NUFIP2: variants seen among roughly 807,000 people sequenced by gnomAD.
The protein encoded by NUFIP2 is nuclear FMR1 interacting protein 2.
A neutral mutation model predicts 56.9 loss-of-function variants in NUFIP2; 6 were observed. The observed-to-expected ratio is 0.11, with a 90% CI of 0.06 to 0.21. The LOEUF is 0.21. Among genes scored for constraint, NUFIP2 ranks in the 10% least tolerant of loss-of-function variants. NUFIP2 has a pLI of 1.00. For missense variants in NUFIP2, 828 were observed against 826.8 expected, an observed-to-expected ratio of 1.00 and a Z score of -0.02; for synonymous variants, 321 against 298.2, an observed-to-expected ratio of 1.08 and a Z score of -0.79.
intron 2 of NUFIP2, among the ~76,000 whole-genome samples, chr17:29,276,126 T>C (rs1194324520): frequency 6.6e-6 from 1 of 151,774 alleles, no homozygotes; most frequent in Non-Finnish European, 1.5e-5. Flanking sequence ...CACTGTGAAA[T>C]TGAATTTGTG....
intron 1 of NUFIP2, among the ~76,000 whole-genome samples, chr17:29,288,581 T>G (rs1340987489): frequency 6.6e-6 from 1 of 152,378 alleles, no homozygotes; most frequent in East Asian, 1.9e-4. Flanking sequence ...ATATTGTTAA[T>G]ACGTGAAACC....
rs1889443922 is a variant in NUFIP2 at position 29,261,347 on chromosome 17, T to C, written c.*3192A>G. The C allele has an allele frequency of 2.0e-5, 3 of 152,116 alleles. 1 individual carries two copies. Among genetic ancestry groups the C allele is most frequent in the Non-Finnish European group, 2.9e-5 (2 of 67,980 alleles). The allele number at this position is 152,116 out of a possible 1,614,324, so 9.4% of individuals were successfully genotyped here. ...TCATTCTCTGAATACTAATGTCTTA[T>C]ACACATTCATTTACTAATTTTTAAT... is the stretch of plus-strand genomic sequence containing the variant. On this transcript the variant is annotated 3_prime_UTR_variant, in exon 4 of 4. Transcript: ENST00000225388.
rs1221668916 is a variant in NUFIP2, at chr17:29,286,327, G to T, written c.1667C>A (p.Thr556Asn). 2 of 1,614,000 alleles carry T rather than the reference G, an allele frequency of 1.2e-6. No individual in the cohort carries two copies. ...SQGAEIIPSG[T>N]EHPVFPKAYE... ...AGCCTTGGGAAACACAGGATGCTCA[G>T]TTCCTGAGGGAATTATTTCAGCACC... The change falls in exon 2 of 4, where the codon ACT (threonine) becomes AAT (asparagine). Residue 556 changes from threonine (T) to asparagine (N), a missense_variant. By Grantham distance (65) the Thr-to-Asn change is moderately conservative. Around this residue, in one of 3 missense-constraint regions of NUFIP2, gnomAD observed 404 missense variants for 380.3 expected, o/e 1.06. Coordinates refer to ENST00000225388, the MANE Select transcript of NUFIP2 (RefSeq NM_020772.3).
At position 29,259,593 on chromosome 17, in the gene NUFIP2, G is replaced by C. The variant is rs1013221245; in HGVS notation, c.*4946C>G. Reference sequence around the variant, plus strand: ...TCCGTCTCAAAAAAAAAAAGGTGGGGGGGGGGGGGATACTGCAGTATTATA... The same window carrying C: ...TCCGTCTCAAAAAAAAAAAGGTGGGCGGGGGGGGGATACTGCAGTATTATA... On this transcript the variant is annotated 3_prime_UTR_variant, in exon 4 of 4. Coordinates refer to ENST00000225388, the MANE Select transcript of NUFIP2 (RefSeq NM_020772.3). 3.6e-5 allele frequency: 5 copies of C among 138,012 alleles called. No individual in the cohort carries two copies. The highest frequency in any genetic ancestry group is 3.9e-3 in the Middle Eastern group (1 of 258). 8.5% of individuals were successfully genotyped at this position (138,012 alleles called of 1,614,324 possible). A position where few individuals can be genotyped will look rare whatever the true frequency, so the allele number is the denominator to read the frequency against.
chr17:29,268,699 AT>A (rs200635944), intron 2 of NUFIP2, among the ~76,000 whole-genome samples: 6 of 150,076 alleles, frequency 4.0e-5, no homozygotes, highest in Admixed American at 2.0e-4. Context: ...GTATATATAT[AT>A]TTTTTTTTAG....
chr17:29,267,208 ATT>A (rs71359290), intron 3 of NUFIP2, among the ~76,000 whole-genome samples: 2,509 of 136,212 alleles, frequency 0.018, 67 homozygotes, highest in African/African-American at 0.061. Context: ...CCGGCCCTAC[ATT>A]TTTTTTTTTT....
Position 29,286,642 on chromosome 17 carries a change from T to C in NUFIP2, c.1352A>G (p.Asp451Gly). Residue 451 changes from aspartate to glycine, a missense_variant, in exon 2 of 4, where the codon GAT becomes GGT. Asp to Gly is a moderately conservative substitution (Grantham distance 94, BLOSUM62 -1). Coordinates refer to ENST00000225388, the MANE Select transcript of NUFIP2 (RefSeq NM_020772.3). ...NTLTPISSGT[D>G]SVLQDMSLTS... The stretch of plus-strand genomic sequence containing the variant: ...TAGACTCATGTCCTGGAGAACTGAA[T>C]CTGTCCCAGAAGAGATGGGTGTTAG... 6.2e-7 allele frequency: 1 copy of C among 1,614,212 alleles called. No individual in the cohort carries two copies. Among genetic ancestry groups the C allele is most frequent in the Non-Finnish European group, 8.5e-7 (1 of 1,180,030 alleles).
chr17:29,261,180 T>C lies in NUFIP2; in HGVS notation c.*3359A>G, dbSNP rs933643674. The C allele has an allele frequency of 9.9e-5, 15 of 152,140 alleles. No individual in the cohort carries two copies. The highest frequency in any genetic ancestry group is 3.6e-4 in the African/African-American group (15 of 41,430). The allele number at this position is 152,140 out of a possible 1,614,324, so 9.4% of individuals were successfully genotyped here. A position where few individuals can be genotyped will look rare whatever the true frequency, so the allele number is the denominator to read the frequency against. On this transcript the variant is annotated 3_prime_UTR_variant, in exon 4 of 4. Transcript: ENST00000225388. Reference sequence around the variant, plus strand: ...AGATTTAAAAAGAAATCTTCACCCATAATTAGTATCTTCATAGCTATTAAA... The same window carrying C: ...AGATTTAAAAAGAAATCTTCACCCACAATTAGTATCTTCATAGCTATTAAA...
rs2069000082 is a variant in NUFIP2, at chr17:29,261,121, G to T, written c.*3418C>A. ...GATTATTGAGGACACCTACAAGAGT[G>T]GTATGTGACACAGAAGCCTACAATA... is the stretch of plus-strand genomic sequence containing the variant. On this transcript the variant is annotated 3_prime_UTR_variant, in exon 4 of 4. Coordinates refer to ENST00000225388, the MANE Select transcript of NUFIP2 (RefSeq NM_020772.3). 1 of 151,896 alleles carries T rather than the reference G, an allele frequency of 6.6e-6. No individual in the cohort carries two copies. Among genetic ancestry groups the T allele is most frequent in the South Asian group, 2.1e-4 (1 of 4,814 alleles). 9.4% of individuals were successfully genotyped at this position (151,896 alleles called of 1,614,324 possible).
rs2069000437 is a variant in NUFIP2, at chr17:29,261,194, A to G, written c.*3345T>C. 2.0e-5 allele frequency: 3 copies of G among 152,154 alleles called. No individual in the cohort carries two copies. The highest frequency in any genetic ancestry group is 7.2e-5 in the African/African-American group (3 of 41,446). The allele number at this position is 152,154 out of a possible 1,614,324, so 9.4% of individuals were successfully genotyped here. On this transcript the variant is annotated 3_prime_UTR_variant, in exon 4 of 4. Coordinates refer to ENST00000225388, the MANE Select transcript of NUFIP2 (RefSeq NM_020772.3). ...ATCTTCACCCATAATTAGTATCTTC[A>G]TAGCTATTAAAAAAATAGGTCATAA...
chr17:29,283,138 A>G (rs1045079420), intron 2 of NUFIP2, among the ~76,000 whole-genome samples: 2 of 152,224 alleles, frequency 1.3e-5, no homozygotes, highest in Non-Finnish European at 2.9e-5. Context: ...CAGCAAAACT[A>G]AATATAACTG....
chr17:29,291,732 T>C (rs1308255208), intron 1 of NUFIP2, among the ~76,000 whole-genome samples: 1 of 152,262 alleles, frequency 6.6e-6, no homozygotes, highest in Admixed American at 6.5e-5. Context: ...TATTTTCTCA[T>C]CTTTTGAACA....
rs918616157 is a variant in NUFIP2 at position 29,292,888 on chromosome 17, G to GGC, written c.277+894_277+895insGC. Among the ~76,000 whole-genome samples the GGC allele has an allele frequency of 2.1e-5, 3 of 142,094 alleles. 1 individual carries two copies. Among genetic ancestry groups the GGC allele is most frequent in the Admixed American group, 2.1e-4 (3 of 14,612 alleles). The allele number at this position is 142,094 out of a possible 152,430, so 93.2% of individuals were successfully genotyped here. A position where few individuals can be genotyped will look rare whatever the true frequency, so the allele number is the denominator to read the frequency against. Reference sequence around the variant, plus strand: ...CACAACCCCGGCCGGCGACGGGGGGGGGGGCGGCCGCGGTGCGGGGGGCGC... The same window carrying GGC: ...CACAACCCCGGCCGGCGACGGGGGGGGCGGGGCGGCCGCGGTGCGGGGGGCGC... On this transcript the variant is annotated intron_variant, in intron 1 of 3. Coordinates refer to ENST00000225388, the MANE Select transcript of NUFIP2 (RefSeq NM_020772.3).
Position 29,287,021 on chromosome 17 carries a change from A to T in NUFIP2, c.973T>A (p.Ser325Thr), listed in dbSNP as rs1178425899. ...FDDRPKGKHA[S>T]AVASKEDSWT... ...GAGTCCTCTTTGGAGGCAACAGCTG[A>T]AGCATGCTTTCCTTTGGGCCGATCA... Residue 325 changes from serine to threonine, a missense_variant, in exon 2 of 4, where the codon TCA becomes ACA. This residue lies in a region of NUFIP2 where 415 missense variants were observed against 408.7 expected (regional missense o/e 1.02). Transcript: ENST00000225388. 1 of 1,614,182 alleles carries T rather than the reference A, an allele frequency of 6.2e-7. No individual in the cohort carries two copies. Among genetic ancestry groups the T allele is most frequent in the African/African-American group, 1.3e-5 (1 of 75,050 alleles).
At chr17:29,284,555 A>G (rs1261390647) in intron 2 of NUFIP2, among the ~76,000 whole-genome samples, 1 of 151,692 alleles carries the variant, frequency 6.6e-6, no homozygotes, top group African/African-American at 2.4e-5. Flanking sequence ...AAAATATAAA[A>G]ATTAGCCAGG....
chr17:29,277,077 T>C (rs1470088359), intron 2 of NUFIP2, among the ~76,000 whole-genome samples: 1 of 152,116 alleles, frequency 6.6e-6, no homozygotes, highest in South Asian at 2.1e-4. Context: ...CAGACTAGAG[T>C]GCAACAGCAC....
intron 2 of NUFIP2, among the ~76,000 whole-genome samples, chr17:29,281,910 G>A (rs1160272120): frequency 2.0e-5 from 3 of 151,650 alleles, no homozygotes; most frequent in African/African-American, 7.3e-5. Context: ...GACTACAGGT[G>A]CCTGCTACCA....
intron 2 of NUFIP2, among the ~76,000 whole-genome samples, chr17:29,273,527 GAC>G (rs1567677608): frequency 1.7e-4 from 24 of 143,638 alleles, no homozygotes; most frequent in Non-Finnish European, 3.3e-4. Flanking sequence ...CACACACACA[GAC>G]ACACAGCACA....
intron 2 of NUFIP2, among the ~76,000 whole-genome samples, chr17:29,272,097 A>AGGGGG (rs1567677128): frequency 7.6e-5 from 4 of 52,718 alleles, no homozygotes; most frequent in African/African-American, 1.5e-4. Context: ...AGGGGAGGGG[A>AGGGGG]GGGGAGGGGA....
Sources: gnomAD v4.1 joint callset for allele counts (sites outside exome capture counted in the v4.1 genomes callset) on GRCh38, gnomAD v4.1.1 for gene constraint, gnomAD v4.1.1 regional missense constraint, MANE v1.5 for transcripts, NCBI Gene and HGNC (gene_info 2026-07-23, HGNC 2026-07-21) for gene names.